RAD51B: variants seen among roughly 807,000 people sequenced by gnomAD.
RAD51B encodes the protein DNA repair protein RAD51 homolog 2.
A neutral mutation model predicts 42.2 loss-of-function variants in RAD51B; 38 were observed. The ratio of observed to expected loss-of-function variants is 0.90; its 90% CI spans 0.70 to 1.18. RAD51B has a LOEUF of 1.18. Ranked by LOEUF, RAD51B falls within the 50% of genes most tolerant of loss-of-function variation. RAD51B has a pLI of 0.00. For synonymous variants in RAD51B, 154 were observed against 145.2 expected (o/e 1.06, Z -0.43); for missense variants, 373 against 400.7 (o/e 0.93, Z 0.59).
chr14:68,083,605 GA>G (rs1427928708), intron 7 of RAD51B, among the ~76,000 whole-genome samples: 1 of 152,028 alleles, frequency 6.6e-6, no homozygotes, highest in Non-Finnish European at 1.5e-5. Flanking sequence ...AAAATTAGTA[GA>G]AAAAAGCCAT....
At position 68,005,393 on chromosome 14, in the gene RAD51B, G is replaced by A. The variant is rs187175861; in HGVS notation, c.756+118189G>A. Among the ~76,000 whole-genome samples the A allele has an allele frequency of 2.0e-5, 3 of 152,174 alleles. No individual in the cohort carries two copies. The East Asian group carries it at 5.8e-4, about 29-fold the overall frequency. On this transcript the variant is annotated intron_variant, in intron 7 of 10. Transcript: ENST00000471583. Reference sequence around the variant, plus strand: ...GAGTTTTGCATGCCTTCTAGTTTTAGCCTAGTGTAAATAGGGCTGCTATGG... The same window carrying A: ...GAGTTTTGCATGCCTTCTAGTTTTAACCTAGTGTAAATAGGGCTGCTATGG...
Position 68,499,442 on chromosome 14 carries a change from G to T in RAD51B, c.1036+31192G>T, listed in dbSNP as rs556679247. 2.6e-5 allele frequency among the ~76,000 whole-genome samples: 4 copies of T among 152,256 alleles called. No homozygotes were observed. In the East Asian group the frequency reaches 7.7e-4, roughly 29 times the overall value. On this transcript the variant is annotated intron_variant, in intron 10 of 10. Transcript: ENST00000487270. ...GCCCCTCACCCACCCCAGGTGAGAG[G>T]TCTTATCCTGACTTTTTAGTCATAA...
intron 7 of RAD51B, among the ~76,000 whole-genome samples, chr14:68,180,797 G>C (rs534480925): frequency 6.6e-6 from 1 of 152,316 alleles, no homozygotes. Context: ...AAGATGTACA[G>C]GACAGAGTTA....
chr14:68,347,028 C>T (rs2082690126), intron 8 of RAD51B, among the ~76,000 whole-genome samples: 1 of 152,170 alleles, frequency 6.6e-6, no homozygotes, highest in Admixed American at 6.5e-5. Context: ...TTTCACACTT[C>T]ACCCTTAGGA....
chr14:68,116,693 A>C (rs532717551), intron 7 of RAD51B, among the ~76,000 whole-genome samples: 2 of 152,174 alleles, frequency 1.3e-5, no homozygotes, highest in African/African-American at 4.8e-5. Flanking sequence ...GTGATTAGCT[A>C]TATTTGCAGG....
At chr14:68,381,243 A>G (rs2083471720) in intron 8 of RAD51B, among the ~76,000 whole-genome samples, 2 of 152,208 alleles carry the variant, frequency 1.3e-5, no homozygotes, top group East Asian at 1.9e-4. Flanking sequence ...CAGTCTTTCT[A>G]CTTTGCCAGA....
At chr14:68,224,107 G>A (rs911386063) in intron 7 of RAD51B, among the ~76,000 whole-genome samples, 2 of 152,166 alleles carry the variant, frequency 1.3e-5, no homozygotes, top group Non-Finnish European at 2.9e-5. Flanking sequence ...ACTATGGAGG[G>A]TGAAATTATT....
At chr14:68,665,022 T>C (rs373074837) in intron 11 of RAD51B, among the ~76,000 whole-genome samples, 4 of 152,364 alleles carry the variant, frequency 2.6e-5, no homozygotes, top group African/African-American at 9.6e-5. Context: ...ACTCACATAA[T>C]GCACCAAGGG....
At chr14:68,042,112 CAG>C (rs1237789601) in intron 7 of RAD51B, among the ~76,000 whole-genome samples, 17 of 152,312 alleles carry the variant, frequency 1.1e-4, no homozygotes, top group African/African-American at 3.9e-4. Flanking sequence ...GATTTTTTCA[CAG>C]AGTTTCCCTT....
intron 11 of RAD51B, among the ~76,000 whole-genome samples, chr14:68,668,350 G>A (rs1160183523): frequency 1.3e-5 from 2 of 152,218 alleles, no homozygotes; most frequent in Admixed American, 6.5e-5. Context: ...TTCAGGGCCT[G>A]TGGCTGATGA....
At chr14:68,488,733 C>T (rs1257167352) in intron 10 of RAD51B, among the ~76,000 whole-genome samples, 1 of 152,158 alleles carries the variant, frequency 6.6e-6, no homozygotes, top group Non-Finnish European at 1.5e-5. Context: ...GAGTTGAGCC[C>T]ATCTCTCTCC....
intron 7 of RAD51B, among the ~76,000 whole-genome samples, chr14:67,917,258 T>G (rs1252291343): frequency 7.9e-5 from 12 of 152,236 alleles, no homozygotes; most frequent in Non-Finnish European, 1.8e-4. Flanking sequence ...CATTGGCTCA[T>G]GATTCTGTAG....
chr14:68,536,772 G>T (rs928331374), intron 10 of RAD51B, among the ~76,000 whole-genome samples: 8 of 151,834 alleles, frequency 5.3e-5, no homozygotes, highest in Non-Finnish European at 7.4e-5. Context: ...TTTTCCTATT[G>T]GTTTTCTTTC....
intron 10 of RAD51B, among the ~76,000 whole-genome samples, chr14:68,550,298 C>A (rs1888468069): frequency 6.6e-6 from 1 of 152,220 alleles, no homozygotes; most frequent in African/African-American, 2.4e-5. Context: ...AAGTACCCCT[C>A]CAGTGGTTGT....
At chr14:68,564,492 C>G (rs1889323043) in intron 10 of RAD51B, among the ~76,000 whole-genome samples, 1 of 152,210 alleles carries the variant, frequency 6.6e-6, no homozygotes, top group African/African-American at 2.4e-5. Flanking sequence ...TGTTGTTGCC[C>G]TTCCCCAGAG....
intron 7 of RAD51B, among the ~76,000 whole-genome samples, chr14:68,270,520 G>A (rs910339265): frequency 2.6e-5 from 4 of 152,160 alleles, no homozygotes; most frequent in Admixed American, 1.3e-4. Flanking sequence ...GTGTAATATA[G>A]CTTGCCTTGT....
At chr14:68,374,695 G>A (rs1028796289) in intron 8 of RAD51B, among the ~76,000 whole-genome samples, 28 of 150,172 alleles carry the variant, frequency 1.9e-4, no homozygotes, top group African/African-American at 6.9e-4. Flanking sequence ...TTATAGATGT[G>A]TCACACTTAG....
At chr14:68,455,593 G>A (rs1040000894) in intron 9 of RAD51B, among the ~76,000 whole-genome samples, 12 of 152,068 alleles carry the variant, frequency 7.9e-5, no homozygotes, top group East Asian at 3.9e-4. Context: ...GGTGGCGGGC[G>A]CCTGTAGTCC....
chr14:68,491,574 G>A (rs931085642), intron 10 of RAD51B, among the ~76,000 whole-genome samples: 2 of 152,166 alleles, frequency 1.3e-5, no homozygotes, highest in African/African-American at 4.8e-5. Flanking sequence ...ACACTGTGGA[G>A]CAGACAGCTC....
Sources: allele counts gnomAD v4.1 joint callset (sites outside exome capture counted in the v4.1 genomes callset), GRCh38; gene constraint gnomAD v4.1.1; transcripts MANE v1.5; gene names NCBI Gene and HGNC (gene_info 2026-07-23, HGNC 2026-07-21).